The following TAF12 variants were observed in gnomAD, a reference collection of about 807,000 sequenced individuals.
TAF12 encodes TATA-box binding protein associated factor 12, also known as transcription initiation factor TFIID subunit 12.
Under a neutral mutation model 20.8 loss-of-function variants are expected in TAF12, and 3 were observed. The observed-to-expected ratio is 0.14, with a 90% CI of 0.07 to 0.37. The LOEUF is 0.37. Ranked by LOEUF, TAF12 falls within the 10% of genes least tolerant of loss-of-function variation. The probability of loss-of-function intolerance (pLI) is 1.00; values close to 1 mark genes in which losing one functional copy is unlikely to be tolerated. For synonymous variants in TAF12, 69 were observed against 70.2 expected (o/e 0.98, Z 0.09); for missense variants, 131 against 197.9 (o/e 0.66, Z 2.03).
intron 1 of TAF12, chr1:28,642,567 G>T: frequency 1.1e-6 from 1 of 895,302 alleles, no homozygotes; most frequent in Non-Finnish European, 1.3e-6. Flanking sequence ...AGTCTTCGCT[G>T]CCCCGTTTCT....
chr1:28,633,912 CAAAAAAA>C (rs34756071), intron 1 of TAF12, among the ~76,000 whole-genome samples: 1 of 47,514 alleles, frequency 2.1e-5, no homozygotes, highest in South Asian at 6.7e-4. Flanking sequence ...AACTCCATCT[CAAAAAAA>C]AAAAAAAAAA....
chr1:28,632,747 G>A (rs1053469916), intron 1 of TAF12, among the ~76,000 whole-genome samples: 1 of 152,102 alleles, frequency 6.6e-6, no homozygotes, highest in Admixed American at 6.6e-5. Context: ...ATCTGTGGAG[G>A]TGGGGGGTGA....
At chr1:28,609,202 G>C (rs1251594755) in intron 4 of TAF12, among the ~76,000 whole-genome samples, 2 of 151,268 alleles carry the variant, frequency 1.3e-5, no homozygotes, top group African/African-American at 4.9e-5. Flanking sequence ...TCAGCCTCCC[G>C]AGTAGCTGGG....
intron 1 of TAF12, among the ~76,000 whole-genome samples, chr1:28,637,984 C>T (rs1321391983): frequency 1.3e-5 from 2 of 151,932 alleles, no homozygotes; most frequent in Non-Finnish European, 2.9e-5. Context: ...GACCCCATTC[C>T]TATTTTTTGT....
chr1:28,636,796 G>A (rs557129863), intron 1 of TAF12, among the ~76,000 whole-genome samples: 5 of 151,598 alleles, frequency 3.3e-5, no homozygotes, highest in African/African-American at 1.2e-4. Flanking sequence ...GCAAGACCCT[G>A]TCTCAGGGAA....
chr1:28,627,603 G>C (rs571595424), intron 1 of TAF12, among the ~76,000 whole-genome samples: 2 of 132,910 alleles, frequency 1.5e-5, no homozygotes, highest in Non-Finnish European at 3.0e-5. Context: ...TGAGACAGGA[G>C]AATGGCGTGA....
At chr1:28,621,316 G>A (rs1570313779) in intron 2 of TAF12, among the ~76,000 whole-genome samples, 1 of 152,152 alleles carries the variant, frequency 6.6e-6, no homozygotes, top group Admixed American at 6.6e-5. Flanking sequence ...ATTTCTTGTG[G>A]CTCTGGAGGG....
At chr1:28,613,795 T>C (rs1275904934) in intron 3 of TAF12, among the ~76,000 whole-genome samples, 7 of 152,208 alleles carry the variant, frequency 4.6e-5, no homozygotes. Context: ...AGAGACTAAT[T>C]TGTTCATGGC....
At chr1:28,623,347 C>T (rs909028400) in intron 1 of TAF12, among the ~76,000 whole-genome samples, 7 of 151,932 alleles carry the variant, frequency 4.6e-5, no homozygotes, top group Admixed American at 6.6e-5. Context: ...CATGGAGAAA[C>T]CCCAACTCTA....
At chr1:28,621,356 G>A (rs1667216078) in intron 2 of TAF12, among the ~76,000 whole-genome samples, 2 of 152,270 alleles carry the variant, frequency 1.3e-5, no homozygotes, top group Admixed American at 6.5e-5. Context: ...AGAAAGAATG[G>A]AGCAGATTTT....
chr1:28,626,437 C>CA (rs747478420), intron 1 of TAF12, among the ~76,000 whole-genome samples: 2 of 151,414 alleles, frequency 1.3e-5, no homozygotes, highest in South Asian at 4.2e-4. Context: ...AAAAATTAGC[C>CA]AGACTTGGTG....
chr1:28,635,383 G>A (rs1667789932), intron 1 of TAF12, among the ~76,000 whole-genome samples: 1 of 133,082 alleles, frequency 7.5e-6, no homozygotes, highest in African/African-American at 2.9e-5. Flanking sequence ...TTGGCTCACT[G>A]CCAGCTCCAC....
intron 1 of TAF12, among the ~76,000 whole-genome samples, chr1:28,641,793 CAAAAA>C (rs35540210): frequency 1.2e-5 from 1 of 86,474 alleles, no homozygotes. Flanking sequence ...GAACCTGTCT[CAAAAA>C]AAAAAAAAAA....
intron 1 of TAF12, among the ~76,000 whole-genome samples, chr1:28,631,354 T>C (rs1208015155): frequency 6.6e-6 from 1 of 151,546 alleles, no homozygotes; most frequent in African/African-American, 2.4e-5. Flanking sequence ...TGAAGCCCCG[T>C]CTCTACTAAA....
At position 28,603,165 on chromosome 1, in the gene TAF12, A is replaced by G. The variant is rs1358903542; in HGVS notation, c.*374T>C. On this transcript the variant is annotated 3_prime_UTR_variant, in exon 6 of 6. Coordinates refer to ENST00000373824, the MANE Select transcript of TAF12 (RefSeq NM_005644.4). ...ATATTCATATAAACACTGACATTAC[A>G]AAGTACAGGGAAAAGGGGAAGGGAG... The G allele has an allele frequency of 5.2e-6, 1 of 193,604 alleles. No homozygotes were observed. Among genetic ancestry groups the G allele is most frequent in the Non-Finnish European group, 1.1e-5 (1 of 94,584 alleles). The allele number at this position is 193,604 out of a possible 1,614,324, so 12.0% of individuals were successfully genotyped here.
chr1:28,611,011 CT>C (rs1330425427), intron 4 of TAF12, among the ~76,000 whole-genome samples: 1 of 150,926 alleles, frequency 6.6e-6, no homozygotes, highest in African/African-American at 2.4e-5. Flanking sequence ...TTCCCTCCCC[CT>C]GAACCTGGAC....
chr1:28,645,139 C>T (rs1385756539), upstream of TAF12, among the ~76,000 whole-genome samples: 1 of 151,796 alleles, frequency 6.6e-6, no homozygotes, highest in Non-Finnish European at 1.5e-5. Context: ...AGGTTCATGC[C>T]ATTCTCCTGC....
chr1:28,642,961 T>C, intron 1 of TAF12, 31 bp downstream of exon 1: 1 of 986,290 alleles, frequency 1.0e-6, no homozygotes, highest in Non-Finnish European at 1.2e-6. Context: ...CTCCCGCTCT[T>C]GTTCCTCAAC....
At position 28,621,909 on chromosome 1, in the gene TAF12, G is replaced by A; in HGVS notation, c.168+5C>T. On this transcript the variant is annotated splice_donor_5th_base_variant and intron_variant, in intron 2 of 5. Transcript: ENST00000373824. The stretch of plus-strand genomic sequence containing the variant: ...TACAGAGAAGAAAGAGTAAGAGGAT[G>A]ATACCTGATTGTTTTCAGGGCTAAG... 1.2e-6 allele frequency: 2 copies of A among 1,612,638 alleles called. No homozygotes were observed. The highest frequency in any genetic ancestry group is 1.7e-6 in the Non-Finnish European group (2 of 1,179,614).
Sources: gnomAD v4.1 joint callset for allele counts (sites outside exome capture counted in the v4.1 genomes callset) on GRCh38, gnomAD v4.1.1 for gene constraint, MANE v1.5 for transcripts, NCBI Gene and HGNC (gene_info 2026-07-23, HGNC 2026-07-21) for gene names.